The following EIPR1 variants were observed in gnomAD, a reference collection of about 807,000 sequenced individuals.
The protein encoded by EIPR1 is EARP complex and GARP complex interacting protein 1.
EIPR1 carries 25 observed loss-of-function variants against 48.1 expected under a neutral mutation model. That is an observed-to-expected ratio of 0.52 (90% CI 0.38 to 0.73). The LOEUF is 0.73. Among genes scored for constraint, EIPR1 ranks in the 30% least tolerant of loss-of-function variants. EIPR1 has a pLI of 0.00. For missense variants in EIPR1, 415 were observed against 506.2 expected (o/e 0.82, Z 1.73); for synonymous variants, 204 against 201.9 (o/e 1.01, Z -0.09).
intron 1 of EIPR1, among the ~76,000 whole-genome samples, chr2:3,371,835 T>A (rs1671123545): frequency 6.6e-6 from 1 of 151,974 alleles, no homozygotes; most frequent in African/African-American, 2.4e-5. Context: ...ACACAGAAAG[T>A]TAAAAAGGAT....
chr2:3,270,146 T>C (rs770351476), intron 3 of EIPR1, among the ~76,000 whole-genome samples: 1 of 152,204 alleles, frequency 6.6e-6, no homozygotes, highest in Admixed American at 6.5e-5. Flanking sequence ...ATTTTGCCCA[T>C]ATAACCAGGA....
At chr2:3,316,841 T>C (rs1250670959) in intron 3 of EIPR1, among the ~76,000 whole-genome samples, 1 of 152,212 alleles carries the variant, frequency 6.6e-6, no homozygotes, top group Admixed American at 6.5e-5. Flanking sequence ...CCTCTTGCCA[T>C]AGTCTAGACA....
chr2:3,343,769 C>G (rs1174713098), intron 2 of EIPR1, among the ~76,000 whole-genome samples: 1 of 152,154 alleles, frequency 6.6e-6, no homozygotes, highest in Non-Finnish European at 1.5e-5. Flanking sequence ...GGCCAGGCTG[C>G]CGAGTACAGA....
intron 3 of EIPR1, among the ~76,000 whole-genome samples, chr2:3,313,877 C>T (rs897319086): frequency 6.6e-6 from 1 of 152,134 alleles, no homozygotes; most frequent in Non-Finnish European, 1.5e-5. Context: ...GGCAAGAGGG[C>T]TCATTATGTG....
chr2:3,340,463 T>C (rs1189918702), intron 2 of EIPR1, among the ~76,000 whole-genome samples: 5 of 152,216 alleles, frequency 3.3e-5, no homozygotes, highest in African/African-American at 1.2e-4. Flanking sequence ...CAATTACAAA[T>C]CACACATCTA....
chr2:3,285,853 T>G (rs368466505), intron 3 of EIPR1, among the ~76,000 whole-genome samples: 8 of 104,136 alleles, frequency 7.7e-5, no homozygotes, highest in Admixed American at 1.9e-4. Context: ...ACCGACTGTC[T>G]CCGGGACCCT....
At chr2:3,277,212 A>G (rs58194899) in intron 3 of EIPR1, among the ~76,000 whole-genome samples, 86,513 of 140,296 alleles carry the variant, frequency 0.62, 25,173 homozygotes, top group East Asian at 0.77. Context: ...CTCCACCCAC[A>G]CGGCCCCGCA....
chr2:3,287,596 T>G (rs1197336793), intron 3 of EIPR1, among the ~76,000 whole-genome samples: 1 of 149,938 alleles, frequency 6.7e-6, no homozygotes, highest in East Asian at 2.0e-4. Context: ...ACGTTCACCA[T>G]GCTCCAGAAA....
intron 3 of EIPR1, among the ~76,000 whole-genome samples, chr2:3,265,593 T>C (rs1198579212): frequency 6.6e-6 from 1 of 152,242 alleles, no homozygotes; most frequent in African/African-American, 2.4e-5. Flanking sequence ...TTCTGTAATG[T>C]AACTTCCTGT....
rs371753438 is a variant in EIPR1, at chr2:3,189,537, G to A, written c.990-29C>T. 1.1e-4 allele frequency: 164 copies of A among 1,517,002 alleles called. 2 individuals are homozygous for A. In the South Asian group the frequency reaches 1.9e-3, roughly 17 times the overall value. 94.0% of individuals were successfully genotyped at this position (1,517,002 alleles called of 1,614,324 possible). On this transcript the variant is annotated intron_variant, in intron 8 of 8. Coordinates refer to ENST00000382125, the MANE Select transcript of EIPR1 (RefSeq NM_003310.5). This position sits in a 1 kb window ranked among gnomAD's most constrained non-coding sequence, Gnocchi z 4.6. ...CAATGCAACAGAGGCAGACGTGAGC[G>A]CAGCAGCTCCGGCGGGGCGGGCAGG...
chr2:3,193,179 G>A (rs1488077370), intron 7 of EIPR1, among the ~76,000 whole-genome samples: 1 of 152,220 alleles, frequency 6.6e-6, no homozygotes, highest in East Asian at 1.9e-4. Flanking sequence ...CATGGCCAGG[G>A]GCACAGGGAG....
intron 4 of EIPR1, among the ~76,000 whole-genome samples, chr2:3,232,634 A>T (rs1342471920): frequency 6.6e-6 from 1 of 152,192 alleles, no homozygotes; most frequent in Admixed American, 6.5e-5. Context: ...CACTGAGCAC[A>T]GGCCAGTTAT....
chr2:3,264,551 C>T (rs377481676), intron 3 of EIPR1, among the ~76,000 whole-genome samples: 9 of 152,162 alleles, frequency 5.9e-5, no homozygotes, highest in Non-Finnish European at 1.2e-4. Context: ...AGGCTTCCTC[C>T]GGGCAGGACA....
In EIPR1 at chr2:3,299,065, C is replaced by T. The variant is rs558554330; in HGVS notation, c.259+38952G>A. Among the ~76,000 whole-genome samples the T allele has an allele frequency of 7.2e-5, 11 of 152,260 alleles. No individual in the cohort carries two copies. The South Asian group carries it at 2.3e-3, about 32-fold the overall frequency. On this transcript the variant is annotated intron_variant, in intron 3 of 8. Transcript: ENST00000382125. The stretch of plus-strand genomic sequence containing the variant: ...CCCCACCATAGCACTATTAATGAGG[C>T]CAAAAAGCCTCAAACATTTAAAATG...
intron 3 of EIPR1, among the ~76,000 whole-genome samples, chr2:3,296,901 C>G (rs1668618344): frequency 6.6e-6 from 1 of 152,254 alleles, no homozygotes; most frequent in African/African-American, 2.4e-5. Flanking sequence ...TCAACCTCAG[C>G]TGTCTAGGAC....
chr2:3,306,860 C>G (rs1479435295), intron 3 of EIPR1, among the ~76,000 whole-genome samples: 1 of 152,168 alleles, frequency 6.6e-6, no homozygotes, highest in Non-Finnish European at 1.5e-5. Flanking sequence ...TCAAAGTCAA[C>G]TGTACTGTAT....
At chr2:3,282,890 G>A (rs1668058110) in intron 3 of EIPR1, 1 of 152,252 alleles carries the variant, frequency 6.6e-6, no homozygotes, top group Non-Finnish European at 1.5e-5. Flanking sequence ...CAAACAAAAT[G>A]CACAGAGTAG....
chr2:3,354,751 CAG>C (rs1670680082), intron 1 of EIPR1, 118 bp from the exon 2 acceptor site: 3 of 1,128,488 alleles, frequency 2.7e-6, no homozygotes, highest in Admixed American at 2.2e-5. Context: ...TAAATTAGTA[CAG>C]AGTGTCTGGA....
intron 3 of EIPR1, chr2:3,320,049 A>G (rs76524809): frequency 4.7e-5 from 8 of 168,714 alleles, no homozygotes; most frequent in Non-Finnish European, 7.2e-5. Flanking sequence ...GGGCAACACC[A>G]CCCCTGCAGG....
Sources: gnomAD v4.1 joint callset for allele counts (sites outside exome capture counted in the v4.1 genomes callset) on GRCh38, gnomAD v4.1.1 for gene constraint, Gnocchi (gnomAD v3.1) non-coding constraint, MANE v1.5 for transcripts, NCBI Gene and HGNC (gene_info 2026-07-23, HGNC 2026-07-21) for gene names.